Variants in ASTN2 observed in about 807,000 individuals in gnomAD.
ASTN2 encodes astrotactin 2, also known as astrotactin-2.
ASTN2 carries 54 observed loss-of-function variants against 139.8 expected under a neutral mutation model. The ratio of observed to expected loss-of-function variants is 0.39; its 90% confidence interval spans 0.31 to 0.48. The LOEUF is 0.48. Among genes scored for constraint, ASTN2 ranks in the 20% least tolerant of loss-of-function variants. The pLI is 0.95. For synonymous variants in ASTN2, 756 were observed against 719.5 expected (o/e 1.05, Z -0.81); for missense variants, 1,565 against 1,725.1 (o/e 0.91, Z 1.64).
chr9:116,968,450 G>A (rs1928981), intron 10 of ASTN2, among the ~76,000 whole-genome samples: 3,647 of 152,260 alleles, frequency 0.024, 162 homozygotes, highest in African/African-American at 0.084. Flanking sequence ...AGTGCTCCAA[G>A]AGTCATTGCT....
At chr9:117,120,756 C>T (rs1049850953) in intron 4 of ASTN2, among the ~76,000 whole-genome samples, 11 of 152,130 alleles carry the variant, frequency 7.2e-5, no homozygotes, top group African/African-American at 2.7e-4. Context: ...CCATTGCCAC[C>T]CAAGAGAGGA....
At chr9:116,542,170 C>G (rs920720547) in intron 19 of ASTN2, among the ~76,000 whole-genome samples, 40 of 152,260 alleles carry the variant, frequency 2.6e-4, no homozygotes, top group African/African-American at 9.1e-4. Flanking sequence ...TAACTGAACC[C>G]TAATAAACAC....
intron 10 of ASTN2, among the ~76,000 whole-genome samples, chr9:116,871,423 A>G (rs964317813): frequency 2.0e-5 from 3 of 152,190 alleles, no homozygotes; most frequent in East Asian, 1.9e-4. Context: ...AAATATTTTC[A>G]TCAACCCAAA....
At chr9:116,997,476 TG>T (rs1315645175) in intron 7 of ASTN2, among the ~76,000 whole-genome samples, 3 of 152,192 alleles carry the variant, frequency 2.0e-5, no homozygotes, top group Admixed American at 2.0e-4. Context: ...TCAGTATTTT[TG>T]TTTTTTTCAA....
At chr9:116,586,572 T>G (rs1854150196) in intron 19 of ASTN2, among the ~76,000 whole-genome samples, 1 of 152,124 alleles carries the variant, frequency 6.6e-6, no homozygotes, top group Non-Finnish European at 1.5e-5. Flanking sequence ...TTCTCACTTA[T>G]AAGTGGGAGC....
In ASTN2 at chr9:117,414,477, G is replaced by C; in HGVS notation, c.442+20C>G. The C allele has an allele frequency of 1.9e-6, 3 of 1,606,342 alleles. No homozygotes were observed. The highest frequency in any genetic ancestry group is 2.5e-6 in the Non-Finnish European group (3 of 1,176,834). ...CTCGGGGTTCCTTGGGATCTAGCGC[G>C]TGCCGGCGCCCAGCCTTACCCAGGG... On this transcript the variant is annotated intron_variant, in intron 1 of 22. Coordinates refer to ENST00000313400, the MANE Select transcript of ASTN2 (RefSeq NM_001365068.1). This position sits in a 1 kb window ranked among gnomAD's most constrained non-coding sequence, Gnocchi z 4.2.
chr9:116,577,018 T>C (rs575453065), intron 19 of ASTN2, among the ~76,000 whole-genome samples: 1 of 152,300 alleles, frequency 6.6e-6, no homozygotes, highest in Admixed American at 6.5e-5. Flanking sequence ...CTAAGGACTT[T>C]ATGTGCATTT....
chr9:117,344,567 G>C (rs555518320), intron 1 of ASTN2, among the ~76,000 whole-genome samples: 2 of 152,266 alleles, frequency 1.3e-5, no homozygotes, highest in African/African-American at 4.8e-5. Flanking sequence ...CACAACCTAT[G>C]CGCACACACC....
chr9:117,210,776 A>G (rs898975554), intron 3 of ASTN2, among the ~76,000 whole-genome samples: 1 of 152,178 alleles, frequency 6.6e-6, no homozygotes, highest in South Asian at 2.1e-4. Context: ...ACAGGTCAAT[A>G]TCCCTGATGA....
In ASTN2 at chr9:117,065,472, T is replaced by C. The variant is rs552793454; in HGVS notation, c.1277-25507A>G. On this transcript the variant is annotated intron_variant, in intron 5 of 22. Transcript: ENST00000313400. ...ATGAGCTGGATTTGCACAAACCTCT[T>C]TGATGTTCTTAAGTGTGTATATCTC... Among the ~76,000 whole-genome samples, 86 of 152,278 alleles carry C rather than the reference T, an allele frequency of 5.6e-4. No homozygotes were observed. In the South Asian group the frequency reaches 6.4e-3, roughly 11 times the overall value.
At chr9:116,953,795 T>C (rs1479656754) in intron 10 of ASTN2, among the ~76,000 whole-genome samples, 1 of 152,178 alleles carries the variant, frequency 6.6e-6, no homozygotes, top group Non-Finnish European at 1.5e-5. Context: ...ATAGAAAAAC[T>C]GAAACTTAGA....
At chr9:116,635,415 G>T (rs1452262061) in intron 17 of ASTN2, among the ~76,000 whole-genome samples, 3 of 152,046 alleles carry the variant, frequency 2.0e-5, no homozygotes, top group Non-Finnish European at 4.4e-5. Context: ...AATCTCACTG[G>T]TAAGTCTGTT....
At chr9:117,200,996 C>CTTTT (rs777675838) in intron 3 of ASTN2, among the ~76,000 whole-genome samples, 23,726 of 94,638 alleles carry the variant, frequency 0.25, 2,808 homozygotes, top group East Asian at 0.31. Context: ...TGGTCCTGGG[C>CTTTT]TTTTTTTTTT....
chr9:116,437,911 G>A (rs1847710036), intron 22 of ASTN2, among the ~76,000 whole-genome samples: 2 of 152,172 alleles, frequency 1.3e-5, no homozygotes, highest in South Asian at 4.1e-4. Context: ...CTCTGTCCCT[G>A]AGAGCCTCAA....
At chr9:116,772,422 C>T (rs146687194) in intron 13 of ASTN2, among the ~76,000 whole-genome samples, 3,208 of 152,258 alleles carry the variant, frequency 0.021, 88 homozygotes, top group East Asian at 0.078. Context: ...GATTGTGAGG[C>T]CTCCCCAGCC....
At chr9:116,923,088 G>T (rs77772536) in intron 10 of ASTN2, among the ~76,000 whole-genome samples, 27 of 152,284 alleles carry the variant, frequency 1.8e-4, no homozygotes, top group Admixed American at 1.3e-3. Context: ...AGGACATTAA[G>T]GTTCAGACTC....
intron 16 of ASTN2, among the ~76,000 whole-genome samples, chr9:116,692,793 C>T (rs1419950475): frequency 6.6e-6 from 1 of 152,058 alleles, no homozygotes; most frequent in East Asian, 1.9e-4. Context: ...CCCCTTTTGC[C>T]CAGGCTGAAG....
chr9:116,900,156 G>A (rs1833971622), intron 10 of ASTN2, among the ~76,000 whole-genome samples: 1 of 152,156 alleles, frequency 6.6e-6, no homozygotes, highest in Non-Finnish European at 1.5e-5. Flanking sequence ...CTATTGCAAT[G>A]CTGCTGTTTC....
At chr9:117,241,725 C>T (rs540988233) in intron 2 of ASTN2, among the ~76,000 whole-genome samples, 51 of 152,244 alleles carry the variant, frequency 3.3e-4, no homozygotes, top group African/African-American at 1.2e-3. Context: ...TGTACTGGTC[C>T]ACAGCCCTGG....
Sources: allele counts gnomAD v4.1 joint callset (sites outside exome capture counted in the v4.1 genomes callset), GRCh38; gene constraint gnomAD v4.1.1; non-coding constraint Gnocchi (gnomAD v3.1); transcripts MANE v1.5; gene names NCBI Gene and HGNC (gene_info 2026-07-23, HGNC 2026-07-21).